Variants in SEC22B observed in about 807,000 individuals in gnomAD.
SEC22B encodes vesicle-trafficking protein SEC22b.
A neutral mutation model predicts 31.4 loss-of-function variants in SEC22B; 10 were observed. The ratio of observed to expected loss-of-function variants is 0.32; its 90% CI spans 0.20 to 0.54. The LOEUF (loss-of-function observed/expected upper bound fraction) is 0.54, where lower values mean the gene tolerates loss of function less well. SEC22B is among the 20% of genes least tolerant of loss of function. The pLI, the probability that SEC22B is intolerant of heterozygous loss-of-function variation, is 0.94. For synonymous variants in SEC22B, 60 were observed against 95.9 expected (o/e 0.63, Z 2.19); for missense variants, 130 against 263.4 (o/e 0.49, Z 3.50).
intron 1 of SEC22B, among the ~76,000 whole-genome samples, chr1:120,176,067 C>T (rs1323114687): frequency 3.3e-5 from 5 of 152,236 alleles, no homozygotes; most frequent in Admixed American, 1.3e-4. Flanking sequence ...AAAGCTACCA[C>T]TTCTCCAGAG....
At chr1:120,161,686 G>A (rs1304310097) in intron 3 of SEC22B, among the ~76,000 whole-genome samples, 195 of 151,950 alleles carry the variant, frequency 1.3e-3, no homozygotes, top group Admixed American at 2.3e-3. Flanking sequence ...GCAATAGAGC[G>A]AGACTCTGTC....
At chr1:120,166,085 A>G (rs1657802325) in intron 2 of SEC22B, among the ~76,000 whole-genome samples, 2 of 150,986 alleles carry the variant, frequency 1.3e-5, no homozygotes, top group Non-Finnish European at 2.9e-5. Context: ...AACCACAACG[A>G]CATATTATTT....
At position 120,152,560 on chromosome 1, in the gene SEC22B, A is replaced by T. The variant is rs1553228886; in HGVS notation, c.*4478T>A. The T allele has an allele frequency of 6.6e-6, 1 of 151,504 alleles. No individual in the cohort carries two copies. Among genetic ancestry groups the T allele is most frequent in the Non-Finnish European group, 1.5e-5 (1 of 67,936 alleles). 9.4% of individuals were successfully genotyped at this position (151,504 alleles called of 1,614,324 possible). A position where few individuals can be genotyped will look rare whatever the true frequency, so the allele number is the denominator to read the frequency against. ...TGAATCAGATGTGGAAAACAGTTGG[A>T]TTAACATTGAGATCAAATGAGAAAG... On this transcript the variant is annotated 3_prime_UTR_variant, in exon 5 of 5. Transcript: ENST00000578049.
intron 2 of SEC22B, among the ~76,000 whole-genome samples, chr1:120,164,991 G>T (rs1338875328): frequency 6.6e-6 from 1 of 151,922 alleles, no homozygotes; most frequent in Non-Finnish European, 1.5e-5. Flanking sequence ...GTTTTGATTT[G>T]CATTTCTCCA....
intron 4 of SEC22B, 54 bp from the exon 5 acceptor site, chr1:120,157,246 G>A (rs1448601471): frequency 2.9e-5 from 37 of 1,270,906 alleles, no homozygotes; most frequent in Non-Finnish European, 3.0e-5. Context: ...GTATTTTACC[G>A]AAAGTATTAA....
At chr1:120,160,686 G>A (rs1195673967) in intron 3 of SEC22B, among the ~76,000 whole-genome samples, 156 bp from the exon 4 acceptor site, 2 of 152,126 alleles carry the variant, frequency 1.3e-5, no homozygotes, top group African/African-American at 2.4e-5. Context: ...TCAGGAAATC[G>A]AGACCATCCT....
At position 120,155,650 on chromosome 1, in the gene SEC22B, GAAATAA is replaced by G. The variant is rs1410072487; in HGVS notation, c.*1382_*1387del. On this transcript the variant is annotated 3_prime_UTR_variant, in exon 5 of 5. Transcript: ENST00000578049. ...TAAAGTTTTTTGCCAAAGATATTAA[GAAATAA>G]AAAGTTCGCTCATTTTCCTGTGCAA... 1 of 151,048 alleles carries G rather than the reference GAAATAA, an allele frequency of 6.6e-6. No homozygotes were observed. Among genetic ancestry groups the G allele is most frequent in the Non-Finnish European group, 1.5e-5 (1 of 67,586 alleles). 9.4% of individuals were successfully genotyped at this position (151,048 alleles called of 1,614,324 possible).
chr1:120,167,770 A>T (rs1422697612), intron 2 of SEC22B, among the ~76,000 whole-genome samples: 15 of 152,250 alleles, frequency 9.9e-5, no homozygotes, highest in Non-Finnish European at 1.9e-4. Context: ...ATGATATGAG[A>T]TTATGAATGT....
chr1:120,159,940 C>G (rs1158218533), intron 4 of SEC22B, among the ~76,000 whole-genome samples: 7 of 144,912 alleles, frequency 4.8e-5, no homozygotes, highest in South Asian at 2.2e-4. Flanking sequence ...ATAAGTCAGA[C>G]TGGATCTTAT....
intron 2 of SEC22B, among the ~76,000 whole-genome samples, chr1:120,166,201 C>G (rs1241451422): frequency 2.1e-5 from 3 of 141,326 alleles, no homozygotes; most frequent in African/African-American, 6.1e-5. Flanking sequence ...ATGGAGGTTT[C>G]TCAAAAAACT....
rs1657696815 is a variant in SEC22B, at chr1:120,160,400, T to C, written c.477A>G (p.Arg159=). The change falls in exon 4 of 5, where the codon CGA becomes CGG. Residue 159 remains arginine (R), a synonymous_variant. Transcript: ENST00000578049. Reference sequence around the variant, plus strand: ...TTTAGATACCTGAGAGTGCTTCTCCTCGTTGTAACACTTCTTCAATATTGG... The same window carrying C: ...TTTAGATACCTGAGAGTGCTTCTCCCCGTTGTAACACTTCTTCAATATTGG... The part of the protein sequence containing the change: ...MVANIEEVLQ[R]GEALSALDSK... The C allele has an allele frequency of 3.1e-6, 5 of 1,611,608 alleles. No homozygotes were observed. The African/African-American group carries it at 4.0e-5, about 13-fold the overall frequency.
rs1246853409 is a variant in SEC22B at position 120,151,289 on chromosome 1, G to A, written c.*5749C>T. On this transcript the variant is annotated 3_prime_UTR_variant, in exon 5 of 5. Coordinates refer to ENST00000578049, the MANE Select transcript of SEC22B (RefSeq NM_004892.6). The stretch of plus-strand genomic sequence containing the variant: ...ACAAAGCTGGTGGGGAGTGGCAGGA[G>A]GTAAGTCTAGAATGGCACAATGGGG... The A allele has an allele frequency of 4.6e-5, 7 of 152,236 alleles. No individual in the cohort carries two copies. Among genetic ancestry groups the A allele is most frequent in the Middle Eastern group, 3.4e-3 (1 of 294 alleles). 9.4% of individuals were successfully genotyped at this position (152,236 alleles called of 1,614,324 possible).
intron 3 of SEC22B, among the ~76,000 whole-genome samples, 170 bp downstream of exon 3, chr1:120,163,040 G>A (rs1657744136): frequency 6.6e-6 from 1 of 152,118 alleles, no homozygotes; most frequent in Admixed American, 6.5e-5. Flanking sequence ...TCAGAACAAA[G>A]CCTTAGTCAC....
chr1:120,170,946 T>G, intron 1 of SEC22B, among the ~76,000 whole-genome samples: 1 of 126,340 alleles, frequency 7.9e-6, no homozygotes, highest in African/African-American at 4.6e-5. Flanking sequence ...TTTCTTTAAT[T>G]TAATAAAATT....
intron 2 of SEC22B, among the ~76,000 whole-genome samples, 164 bp downstream of exon 2, chr1:120,168,676 C>T (rs1338645406): frequency 6.7e-6 from 1 of 149,820 alleles, no homozygotes; most frequent in Non-Finnish European, 1.5e-5. Context: ...GCTGAAAAAA[C>T]CAACAAGATG....
intron 2 of SEC22B, among the ~76,000 whole-genome samples, chr1:120,168,283 C>A (rs1477628458): frequency 6.6e-6 from 1 of 151,092 alleles, no homozygotes; most frequent in Non-Finnish European, 1.5e-5. Context: ...CAATAATGTT[C>A]CTTTGAGTCC....
chr1:120,160,505 C>T lies in SEC22B; in HGVS notation c.372G>A (p.Lys124=), dbSNP rs1657698115. Residue 124 remains lysine (K), a synonymous_variant, in exon 4 of 5, where the codon AAG becomes AAA. Coordinates refer to ENST00000578049, the MANE Select transcript of SEC22B (RefSeq NM_004892.6). The stretch of plus-strand genomic sequence containing the variant: ...TTCGAGCACGACTGTCAATGTAGAG[C>T]TTCTTGGTTTTCTGAATGAAAGTAT... ...EFDTFIQKTK[K]LYIDSRARRN... is the part of the protein sequence containing the mutation. The T allele has an allele frequency of 5.6e-5, 90 of 1,593,206 alleles. 1 individual carries two copies. The South Asian group carries it at 7.1e-4, about 13-fold the overall frequency.
At chr1:120,166,780 A>C (rs1657819470) in intron 2 of SEC22B, among the ~76,000 whole-genome samples, 3 of 149,260 alleles carry the variant, frequency 2.0e-5, no homozygotes, top group Admixed American at 2.0e-4. Flanking sequence ...AAAAGCTACA[A>C]GATTTTGAAT....
At position 120,153,404 on chromosome 1, in the gene SEC22B, T is replaced by C. The variant is rs1374276514; in HGVS notation, c.*3634A>G. 1 of 150,910 alleles carries C rather than the reference T, an allele frequency of 6.6e-6. No individual in the cohort carries two copies. Among genetic ancestry groups the C allele is most frequent in the Non-Finnish European group, 1.5e-5 (1 of 67,742 alleles). The allele number at this position is 150,910 out of a possible 1,614,324, so 9.3% of individuals were successfully genotyped here. A position where few individuals can be genotyped will look rare whatever the true frequency, so the allele number is the denominator to read the frequency against. On this transcript the variant is annotated 3_prime_UTR_variant, in exon 5 of 5. Coordinates refer to ENST00000578049, the MANE Select transcript of SEC22B (RefSeq NM_004892.6). ...TAAGGTGGAAATTTAAAATATGAGA[T>C]ATTTTATTATACATGTTTTATTAAA...
Sources: allele counts gnomAD v4.1 joint callset (sites outside exome capture counted in the v4.1 genomes callset), GRCh38; gene constraint gnomAD v4.1.1; transcripts MANE v1.5; gene names NCBI Gene and HGNC (gene_info 2026-07-23, HGNC 2026-07-21).